The following CLK3 variants were observed in gnomAD, a reference collection of about 807,000 sequenced individuals.
The protein encoded by CLK3 is dual specificity protein kinase CLK3.
In CLK3, 24 loss-of-function variants were observed where a neutral mutation model predicts 65.2. The ratio of observed to expected loss-of-function variants is 0.37; its 90% CI spans 0.27 to 0.52. CLK3 has a LOEUF of 0.52. CLK3 is among the 20% of genes least tolerant of loss of function. The pLI is 0.92. For synonymous variants in CLK3, 252 were observed against 240.8 expected, an observed-to-expected ratio of 1.05 and a Z score of -0.43; for missense variants, 506 against 660.0, an observed-to-expected ratio of 0.77 and a Z score of 2.56.
Position 74,620,052 on chromosome 15 carries a change from G to C in CLK3, c.196G>C (p.Asp66His). The C allele has an allele frequency of 2.5e-6, 4 of 1,614,214 alleles. No homozygotes were observed. Among genetic ancestry groups the C allele is most frequent in the Non-Finnish European group, 3.4e-6 (4 of 1,180,046 alleles). The change falls in exon 3 of 13, where the codon GAC becomes CAC. Residue 66 changes from aspartate (D) to histidine (H), a missense_variant. Coordinates refer to ENST00000395066, the MANE Select transcript of CLK3 (RefSeq NM_001130028.2). The stretch of plus-strand genomic sequence containing the variant: ...CCAGAGGAGGTACCGGGAGCGCCGT[G>C]ACAGCGATACATACCGGTGTGAAGA... ...PYQRRYRERR[D>H]SDTYRCEERS...
upstream of CLK3, among the ~76,000 whole-genome samples, chr15:74,614,609 C>A (rs985607177): frequency 4.6e-5 from 7 of 152,230 alleles, no homozygotes; most frequent in African/African-American, 1.7e-4. Flanking sequence ...GCCTTGAAAC[C>A]CCCCGTTTCA....
At chr15:74,615,522 C>G, upstream of CLK3, 1 of 1,294,824 alleles carries the variant, frequency 7.7e-7, no homozygotes, top group South Asian at 2.3e-5. Context: ...CGGAGCGGGC[C>G]CAGCCCCACG....
At chr15:74,628,526 ATCTT>A (rs2062161855) in intron 10 of CLK3, 74 bp from the exon 11 acceptor site, 2 of 1,062,392 alleles carry the variant, frequency 1.9e-6, no homozygotes, top group South Asian at 3.0e-5. Context: ...GCACTTGCCC[ATCTT>A]TCTTGTTCCT....
chr15:74,609,992 A>G (rs564905135), intron 1 of CLK3, among the ~76,000 whole-genome samples: 20 of 152,370 alleles, frequency 1.3e-4, no homozygotes, highest in Non-Finnish European at 2.5e-4. Context: ...TTGGAAGAGG[A>G]TCCCTCTCTT....
Position 74,622,481 on chromosome 15 carries a change from T to C in CLK3, c.467-13T>C. On this transcript the variant is annotated splice_polypyrimidine_tract_variant and intron_variant, in intron 4 of 12. Transcript: ENST00000395066. The surrounding 1 kb of genome is among the most constrained non-coding windows in gnomAD (Gnocchi z 4.6). ...CCTCCAGATTCTCATGCCCAATTTC[T>C]TTTCTCTCCTAGATGAGATTGTGGG... 1 of 1,600,224 alleles carries C rather than the reference T, an allele frequency of 6.2e-7. No individual in the cohort carries two copies. Among genetic ancestry groups the C allele is most frequent in the Non-Finnish European group, 8.5e-7 (1 of 1,173,562 alleles).
intron 7 of CLK3, chr15:74,626,873 T>G (rs1596290946): frequency 2.4e-6 from 1 of 409,458 alleles, no homozygotes; most frequent in Non-Finnish European, 4.9e-6. Context: ...TCTTCCTGGG[T>G]ATGCGACCTG....
chr15:74,614,551 G>T (rs1277207792), upstream of CLK3, among the ~76,000 whole-genome samples: 1 of 152,234 alleles, frequency 6.6e-6, no homozygotes, highest in Non-Finnish European at 1.5e-5. Flanking sequence ...GATAGCCATG[G>T]TGGAGCTGGC....
rs970250533 is a variant in CLK3, at chr15:74,622,679, A to T, written c.533+119A>T. 1.4e-6 allele frequency: 1 copy of T among 725,928 alleles called. No homozygotes were observed. The highest frequency in any genetic ancestry group is 2.2e-6 in the Non-Finnish European group (1 of 449,412). The allele number at this position is 725,928 out of a possible 1,614,324, so 45.0% of individuals were successfully genotyped here. On this transcript the variant is annotated intron_variant, in intron 5 of 12. Transcript: ENST00000395066. The surrounding 1 kb of genome is among the most constrained non-coding windows in gnomAD (Gnocchi z 4.6). ...AACTTTTTTCTTTTTGAAGGGTGGCATCAAAGTAGGGTTCCGACCTGTCCA... is the reference window on the plus strand; with the variant it reads ...AACTTTTTTCTTTTTGAAGGGTGGCTTCAAAGTAGGGTTCCGACCTGTCCA...
chr15:74,629,630 G>A (rs1005700411), intron 12 of CLK3, 77 bp from the exon 13 acceptor site: 13 of 1,317,592 alleles, frequency 9.9e-6, no homozygotes, highest in Admixed American at 5.5e-5. Flanking sequence ...CCAGCAAGGC[G>A]TCCCAGAGGC....
chr15:74,615,519 G>A (rs2141533651), upstream of CLK3: 8 of 1,296,176 alleles, frequency 6.2e-6, no homozygotes, highest in East Asian at 3.1e-5. Flanking sequence ...CGACGGAGCG[G>A]GCCCAGCCCC....
rs1283921296 is a variant in CLK3, at chr15:74,624,841, AG to A, written c.534-58del. On this transcript the variant is annotated intron_variant, in intron 5 of 12. Coordinates refer to ENST00000395066, the MANE Select transcript of CLK3 (RefSeq NM_001130028.2). This position sits in a 1 kb window ranked among gnomAD's most constrained non-coding sequence, Gnocchi z 4.2. ...GTTGGGAGTTGCTGGGTTGGGGTGGAGGGTTGGGGAAGGACTGGGCAGCTGC... is the reference window on the plus strand; with the variant it reads ...GTTGGGAGTTGCTGGGTTGGGGTGGAGGTTGGGGAAGGACTGGGCAGCTGC... The A allele has an allele frequency of 8.1e-7, 1 of 1,230,096 alleles. No homozygotes were observed. The highest frequency in any genetic ancestry group is 1.5e-5 in the African/African-American group (1 of 67,346). The allele number at this position is 1,230,096 out of a possible 1,614,324, so 76.2% of individuals were successfully genotyped here.
In CLK3 at chr15:74,628,689, G is replaced by T; in HGVS notation, c.1205+6G>T. On this transcript the variant is annotated splice_donor_region_variant and intron_variant, in intron 11 of 12. Coordinates refer to ENST00000395066, the MANE Select transcript of CLK3 (RefSeq NM_001130028.2). The stretch of plus-strand genomic sequence containing the variant: ...CACATGATCCACCGTACCAGGTAAG[G>T]ACCCCAGTAGCCCCCTCAGGGTTGG... The T allele has an allele frequency of 6.2e-7, 1 of 1,608,378 alleles. No individual in the cohort carries two copies. Among genetic ancestry groups the T allele is most frequent in the Non-Finnish European group, 8.5e-7 (1 of 1,177,018 alleles).
chr15:74,624,744 G>A lies in CLK3; in HGVS notation c.534-158G>A, dbSNP rs937937913. ...CTTGCTGTTGGGTGGGCAAAGGTCT[G>A]GTGTTGCATGGGGCAGGCTGGGCAT... is the stretch of plus-strand genomic sequence containing the variant. On this transcript the variant is annotated intron_variant, in intron 5 of 12. Coordinates refer to ENST00000395066, the MANE Select transcript of CLK3 (RefSeq NM_001130028.2). The surrounding 1 kb of genome is among the most constrained non-coding windows in gnomAD (Gnocchi z 4.2). The A allele has an allele frequency of 3.2e-5, 20 of 629,618 alleles. No individual in the cohort carries two copies. In the African/African-American group the frequency reaches 3.5e-4, roughly 11 times the overall value. 39.0% of individuals were successfully genotyped at this position (629,618 alleles called of 1,614,324 possible).
At chr15:74,623,448 C>T (rs1322444238) in intron 5 of CLK3, among the ~76,000 whole-genome samples, 1 of 152,230 alleles carries the variant, frequency 6.6e-6, no homozygotes, top group South Asian at 2.1e-4. Context: ...TGTAGTGCTC[C>T]TACATTAAAT....
intron 12 of CLK3, 167 bp downstream of exon 12, chr15:74,629,199 A>C: frequency 1.4e-6 from 1 of 712,604 alleles, no homozygotes; most frequent in East Asian, 2.7e-5. Flanking sequence ...GCTTCTTGCA[A>C]ACTGCCCCAG....
chr15:74,627,810 C>T lies in CLK3; in HGVS notation c.1042+142C>T. 7.7e-7 allele frequency: 1 copy of T among 1,304,976 alleles called. No individual in the cohort carries two copies. Among genetic ancestry groups the T allele is most frequent in the Non-Finnish European group, 1.1e-6 (1 of 916,992 alleles). 80.8% of individuals were successfully genotyped at this position (1,304,976 alleles called of 1,614,324 possible). On this transcript the variant is annotated intron_variant, in intron 9 of 12. Transcript: ENST00000395066. The surrounding 1 kb of genome is among the most constrained non-coding windows in gnomAD (Gnocchi z 4.3). ...ACCAAGGGGCCAGTGTCATGAGACA[C>T]AGGTGACTGACCTGGCTTTATCTGT...
chr15:74,615,316 C>T, upstream of CLK3: 1 of 804,952 alleles, frequency 1.2e-6, no homozygotes, highest in African/African-American at 1.8e-5. Context: ...AGCGCCACCA[C>T]GGCTTTCAAA....
intron 1 of CLK3, among the ~76,000 whole-genome samples, chr15:74,609,493 C>G (rs2061958637): frequency 6.6e-6 from 1 of 152,268 alleles, no homozygotes; most frequent in Non-Finnish European, 1.5e-5. Flanking sequence ...AGGAATGGGG[C>G]CCAGGCTCCC....
chr15:74,624,631 A>G lies in CLK3; in HGVS notation c.534-271A>G. The G allele has an allele frequency of 1.9e-6, 1 of 516,414 alleles. No homozygotes were observed. Among genetic ancestry groups the G allele is most frequent in the Non-Finnish European group, 3.5e-6 (1 of 284,080 alleles). The allele number at this position is 516,414 out of a possible 1,614,324, so 32.0% of individuals were successfully genotyped here. A position where few individuals can be genotyped will look rare whatever the true frequency, so the allele number is the denominator to read the frequency against. On this transcript the variant is annotated intron_variant, in intron 5 of 12. Transcript: ENST00000395066. The surrounding 1 kb of genome is among the most constrained non-coding windows in gnomAD (Gnocchi z 4.2). ...GCAGGATTGGCCTCTACTCTCCCACACTCCTTTGGGAGCTGGCAGTGGCTG... is the reference window on the plus strand; with the variant it reads ...GCAGGATTGGCCTCTACTCTCCCACGCTCCTTTGGGAGCTGGCAGTGGCTG...
Sources: gnomAD v4.1 joint callset for allele counts (sites outside exome capture counted in the v4.1 genomes callset) on GRCh38, gnomAD v4.1.1 for gene constraint, Gnocchi (gnomAD v3.1) non-coding constraint, MANE v1.5 for transcripts, NCBI Gene and HGNC (gene_info 2026-07-23, HGNC 2026-07-21) for gene names.